The following SHISAL1 variants were observed in gnomAD, a reference collection of about 807,000 sequenced individuals.
SHISAL1 encodes the protein shisa like 1.
SHISAL1 carries 9 observed loss-of-function variants against 22.6 expected under a neutral mutation model. The observed-to-expected ratio is 0.40, with a 90% CI of 0.24 to 0.70. The LOEUF is 0.70. SHISAL1 is among the 30% of genes least tolerant of loss of function. The probability of loss-of-function intolerance (pLI) is 0.39; values close to 1 mark genes in which losing one functional copy is unlikely to be tolerated. For synonymous variants in SHISAL1, 119 were observed against 115.4 expected, an observed-to-expected ratio of 1.03 and a Z score of -0.20; for missense variants, 246 against 270.6, an observed-to-expected ratio of 0.91 and a Z score of 0.64.
At chr22:44,275,864 T>C (rs549606409) in intron 4 of SHISAL1, among the ~76,000 whole-genome samples, 1 of 152,362 alleles carries the variant, frequency 6.6e-6, no homozygotes, top group African/African-American at 2.4e-5. Context: ...ACTGTTACAG[T>C]AATAATGCAG....
chr22:44,278,284 A>T (rs1390732905), intron 4 of SHISAL1, among the ~76,000 whole-genome samples: 1 of 152,218 alleles, frequency 6.6e-6, no homozygotes, highest in Non-Finnish European at 1.5e-5. Context: ...CTTCAGCTTT[A>T]GGACTCAGAC....
chr22:44,282,526 G>A (rs9614225), intron 4 of SHISAL1, among the ~76,000 whole-genome samples: 18 of 152,340 alleles, frequency 1.2e-4, no homozygotes, highest in Non-Finnish European at 2.4e-4. Flanking sequence ...GGGTGTGTCT[G>A]CAGCTGTCTT....
intron 4 of SHISAL1, among the ~76,000 whole-genome samples, chr22:44,254,509 C>T (rs2055071251): frequency 6.6e-6 from 1 of 152,112 alleles, no homozygotes; most frequent in Non-Finnish European, 1.5e-5. Flanking sequence ...TACAGGTGTG[C>T]ACCACCACAC....
At chr22:44,286,429 C>T (rs566414691) in intron 3 of SHISAL1, among the ~76,000 whole-genome samples, 17 of 152,110 alleles carry the variant, frequency 1.1e-4, no homozygotes, top group Non-Finnish European at 2.2e-4. Context: ...GCCAAAGTTG[C>T]GGGAGGGTTT....
At chr22:44,286,515 GGCCTTTGCACAGGCCGT>G (rs1244413954) in intron 3 of SHISAL1, among the ~76,000 whole-genome samples, 1 of 152,138 alleles carries the variant, frequency 6.6e-6, no homozygotes, top group Admixed American at 6.5e-5. Flanking sequence ...TCCAGCACCC[GGCCTTTGCACAGGCCGT>G]GCCTTCTTTC....
chr22:44,328,326 T>A, the SHISAL1 span, among the ~76,000 whole-genome samples: 215 of 152,250 alleles, frequency 1.4e-3, no homozygotes, highest in African/African-American at 4.6e-3. Flanking sequence ...AGTTTTCTCA[T>A]CTATACAACA....
At chr22:44,329,431 C>T in the SHISAL1 span, among the ~76,000 whole-genome samples, 3 of 150,138 alleles carry the variant, frequency 2.0e-5, no homozygotes, top group African/African-American at 7.4e-5. Context: ...CTCAGGAGAG[C>T]GAGAATGGGA....
At chr22:44,278,375 C>T (rs1350585874) in intron 4 of SHISAL1, among the ~76,000 whole-genome samples, 2 of 152,156 alleles carry the variant, frequency 1.3e-5, no homozygotes, top group Non-Finnish European at 2.9e-5. Context: ...TAATAAACTC[C>T]CCTTTATATA....
intron 3 of SHISAL1, among the ~76,000 whole-genome samples, chr22:44,289,413 G>A (rs966771615): frequency 1.3e-5 from 2 of 152,154 alleles, no homozygotes; most frequent in Non-Finnish European, 2.9e-5. Flanking sequence ...AACTGAGGGC[G>A]AGTCCCTGTC....
Position 44,310,929 on chromosome 22 carries a change from C to T in SHISAL1, c.-33+1822G>A, listed in dbSNP as rs937355501. On this transcript the variant is annotated intron_variant, in intron 1 of 4. Coordinates refer to ENST00000381176, the MANE Select transcript of SHISAL1 (RefSeq NM_001099294.2). This position sits in a 1 kb window ranked among gnomAD's most constrained non-coding sequence, Gnocchi z 4.0. ...CAGTAGGTGCTGAATAAATGTCTGC[C>T]GGCCATAGAGTAGGAACTCCATTAG... is the stretch of plus-strand genomic sequence containing the variant. 3.9e-5 allele frequency among the ~76,000 whole-genome samples: 6 copies of T among 152,048 alleles called. No homozygotes were observed. The highest frequency in any genetic ancestry group is 2.0e-4 in the Admixed American group (3 of 15,268).
the SHISAL1 span, among the ~76,000 whole-genome samples, chr22:44,320,568 G>A: frequency 1.3e-5 from 2 of 152,296 alleles, no homozygotes; most frequent in South Asian, 4.2e-4. Flanking sequence ...CTTCTAAATC[G>A]ATCCAGAACA....
chr22:44,270,237 G>A (rs1300489459), intron 4 of SHISAL1, among the ~76,000 whole-genome samples: 3 of 152,128 alleles, frequency 2.0e-5, no homozygotes, highest in Non-Finnish European at 4.4e-5. Flanking sequence ...CTTGAGTCCC[G>A]AATCTCCCTC....
chr22:44,321,121 G>A, the SHISAL1 span, among the ~76,000 whole-genome samples: 1 of 152,144 alleles, frequency 6.6e-6, no homozygotes, highest in Admixed American at 6.6e-5. Flanking sequence ...TGTCTGCCCC[G>A]GGCACAGCAG....
chr22:44,245,255 C>T lies in SHISAL1; in HGVS notation c.*4430G>A, dbSNP rs1039776707. The T allele has an allele frequency of 6.6e-6, 1 of 152,194 alleles. No individual in the cohort carries two copies. 9.4% of individuals were successfully genotyped at this position (152,194 alleles called of 1,614,324 possible). The stretch of plus-strand genomic sequence containing the variant: ...ATGTCTCCCTACAGTGATAGGGGGC[C>T]CTTCAACATTGATAAGACATGTTCC... On this transcript the variant is annotated 3_prime_UTR_variant, in exon 5 of 5. Coordinates refer to ENST00000381176, the MANE Select transcript of SHISAL1 (RefSeq NM_001099294.2).
intron 4 of SHISAL1, among the ~76,000 whole-genome samples, chr22:44,276,933 G>A (rs1310601678): frequency 6.6e-6 from 1 of 152,188 alleles, no homozygotes; most frequent in Non-Finnish European, 1.5e-5. Flanking sequence ...CAGCGATGAG[G>A]GGCCAGGAGC....
At chr22:44,326,619 T>C in the SHISAL1 span, among the ~76,000 whole-genome samples, 1 of 152,272 alleles carries the variant, frequency 6.6e-6, no homozygotes, top group East Asian at 1.9e-4. Flanking sequence ...TTTCTTAATT[T>C]CTGGAGGCAG....
intron 1 of SHISAL1, among the ~76,000 whole-genome samples, chr22:44,301,668 G>C (rs370142303): frequency 2.6e-5 from 4 of 152,272 alleles, no homozygotes; most frequent in African/African-American, 9.6e-5. Context: ...TGCCCATCGA[G>C]GGATGGATGG....
At chr22:44,254,364 T>G (rs1259311255) in intron 4 of SHISAL1, among the ~76,000 whole-genome samples, 1 of 151,884 alleles carries the variant, frequency 6.6e-6, no homozygotes, top group East Asian at 1.9e-4. Context: ...ATGTTTAAAT[T>G]ATTATTTTTT....
At chr22:44,292,574 C>T (rs2055360059) in intron 3 of SHISAL1, among the ~76,000 whole-genome samples, 1 of 152,242 alleles carries the variant, frequency 6.6e-6, no homozygotes, top group Non-Finnish European at 1.5e-5. Context: ...TATCGTGTGG[C>T]CGGGGCCCCA....
Sources: allele counts gnomAD v4.1 joint callset (sites outside exome capture counted in the v4.1 genomes callset), GRCh38; gene constraint gnomAD v4.1.1; non-coding constraint Gnocchi (gnomAD v3.1); transcripts MANE v1.5; gene names NCBI Gene and HGNC (gene_info 2026-07-23, HGNC 2026-07-21).